Variants in ARHGAP27 observed in about 807,000 individuals in gnomAD.
ARHGAP27 encodes the protein Rho GTPase activating protein 27.
A neutral mutation model predicts 102.0 loss-of-function variants in ARHGAP27; 53 were observed. The ratio of observed to expected loss-of-function variants is 0.52; its 90% CI spans 0.42 to 0.65. The LOEUF (loss-of-function observed/expected upper bound fraction) is 0.65, where lower values mean the gene tolerates loss of function less well. ARHGAP27 is among the 30% of genes least tolerant of loss of function. ARHGAP27 has a pLI of 0.00. For missense variants in ARHGAP27, 1,117 were observed against 1,256.2 expected, an observed-to-expected ratio of 0.89 and a Z score of 1.68; for synonymous variants, 525 against 542.8, an observed-to-expected ratio of 0.97 and a Z score of 0.46.
At chr17:45,402,930 G>A (rs932980615) in intron 11 of ARHGAP27, 112 bp from the exon 12 acceptor site, 70 of 931,902 alleles carry the variant, frequency 7.5e-5, no homozygotes, top group Non-Finnish European at 1.1e-4. Context: ...AAACAACTCT[G>A]GGGAAAAGTG....
At chr17:45,396,872 G>C (rs376354313) in intron 14 of ARHGAP27, 44 bp downstream of exon 14, 1 of 1,607,428 alleles carries the variant, frequency 6.2e-7, no homozygotes, top group East Asian at 2.2e-5. Flanking sequence ...CACTCCCCAG[G>C]AGAGGCCTCC....
At position 45,430,207 on chromosome 17, in the gene ARHGAP27, G is replaced by T. The variant is rs1162867782; in HGVS notation, c.73C>A (p.Arg25Ser). The stretch of plus-strand genomic sequence containing the variant: ...TCATTCGGCCGGATGGCCACGCGGC[G>T]CCCGTCCTTGCCGGTGTACTCGAAG... ...HPFEYTGKDG[R>S]RVAIRPNERY... The change falls in exon 4 of 20, where the codon CGC becomes AGC. Residue 25 changes from arginine (R) to serine (S), a missense_variant. Around this residue, in one of 3 missense-constraint regions of ARHGAP27, gnomAD observed 610 missense variants for 716.4 expected, o/e 0.85. Transcript: ENST00000685559. The surrounding 1 kb of genome is among the most constrained non-coding windows in gnomAD (Gnocchi z 4.4). The T allele has an allele frequency of 2.6e-6, 4 of 1,556,642 alleles. No individual in the cohort carries two copies. Among genetic ancestry groups the T allele is most frequent in the Non-Finnish European group, 3.5e-6 (4 of 1,159,150 alleles).
In ARHGAP27 at chr17:45,396,302, G is replaced by A; in HGVS notation, c.2174-18C>T. 6.3e-7 allele frequency: 1 copy of A among 1,599,376 alleles called. No individual in the cohort carries two copies. The highest frequency in any genetic ancestry group is 1.1e-5 in the South Asian group (1 of 89,406). On this transcript the variant is annotated intron_variant, in intron 16 of 19. Transcript: ENST00000685559. ...GTCCAGCCCTGGGCCAGAGGGAGGCGCTGATCCCGGGTTCAGGGATGGGGA... is the reference window on the plus strand; with the variant it reads ...GTCCAGCCCTGGGCCAGAGGGAGGCACTGATCCCGGGTTCAGGGATGGGGA...
Position 45,427,132 on chromosome 17 carries a change from C to G in ARHGAP27, c.657+2491G>C, listed in dbSNP as rs1788901577. Among the ~76,000 whole-genome samples, 1 of 150,962 alleles carries G rather than the reference C, an allele frequency of 6.6e-6. No homozygotes were observed. Among genetic ancestry groups the G allele is most frequent in the African/African-American group, 2.4e-5 (1 of 40,856 alleles). On this transcript the variant is annotated intron_variant, in intron 4 of 19. Transcript: ENST00000685559. This position sits in a 1 kb window ranked among gnomAD's most constrained non-coding sequence, Gnocchi z 4.5. Reference sequence around the variant, plus strand: ...ACCTCCCTCGGCCCCCAGACCCTGCCCATCCATCTCCCAAACCTCTGTTTC... The same window carrying G: ...ACCTCCCTCGGCCCCCAGACCCTGCGCATCCATCTCCCAAACCTCTGTTTC...
At chr17:45,403,843 A>G in intron 10 of ARHGAP27, 134 bp from the exon 11 acceptor site, 1 of 980,046 alleles carries the variant, frequency 1.0e-6, no homozygotes, top group Non-Finnish European at 1.5e-6. Flanking sequence ...TGGAATCCCG[A>G]CTCTAACACC....
In ARHGAP27 at chr17:45,424,158, G is replaced by T. The variant is rs1427164625; in HGVS notation, c.657+5465C>A. Among the ~76,000 whole-genome samples, 3 of 152,214 alleles carry T rather than the reference G, an allele frequency of 2.0e-5. No homozygotes were observed. The South Asian group carries it at 6.2e-4, about 31-fold the overall frequency. ...AGCCAGGAGAGGGCAAGGAGGCAGG[G>T]TGGGCACCCACAGCAGCCTCAGCTG... On this transcript the variant is annotated intron_variant, in intron 4 of 19. Transcript: ENST00000685559.
rs376452632 is a variant in ARHGAP27, at chr17:45,403,978, A to G, written c.1547+51T>C. 4.4e-5 allele frequency: 70 copies of G among 1,591,938 alleles called. No homozygotes were observed. The African/African-American group carries it at 9.0e-4, about 20-fold the overall frequency. ...GGCATACAGGAAGTGCTCAGTGAAC[A>G]TCGTCACCAAGGCCCACCCTGCCCC... On this transcript the variant is annotated intron_variant, in intron 10 of 19. Transcript: ENST00000685559.
intron 4 of ARHGAP27, chr17:45,410,509 T>C (rs1296800338): frequency 1.8e-6 from 2 of 1,141,792 alleles, no homozygotes; most frequent in Non-Finnish European, 2.3e-6. Context: ...ATTTTTATGC[T>C]TCTAGAAACA....
At position 45,398,004 on chromosome 17, in the gene ARHGAP27, G is replaced by A. The variant is rs763585961; in HGVS notation, c.1787C>T (p.Ser596Leu). 12 of 1,610,904 alleles carry A rather than the reference G, an allele frequency of 7.4e-6. No homozygotes were observed. The highest frequency in any genetic ancestry group is 3.3e-5 in the Admixed American group (2 of 59,980). ...DGSEYLIQHDSEAIISTWHKA... is the reference protein window; with the variant it reads ...DGSEYLIQHDLEAIISTWHKA... ...ATGCCAGGTGCTGATGATGGCCTCC[G>A]AGTCGTGCTGGATCAGGTACTCAGA... Residue 596 changes from serine (S) to leucine (L), a missense_variant, in exon 13 of 20, where the codon TCG becomes TTG. By Grantham distance (145) the Ser-to-Leu change is moderately radical. Coordinates refer to ENST00000685559, the MANE Select transcript of ARHGAP27 (RefSeq NM_001282290.2).
Position 45,404,626 on chromosome 17 carries a change from G to A in ARHGAP27, c.1304C>T (p.Ser435Phe). ...CTGGGGCAGCTCCCATCGAACAGAG[G>A]AGTCCTCTGGATTGTAGAAGTATGG... ...GKPYFYNPED[S>F]SVRWELPQVP... is the part of the protein sequence containing the mutation. The change falls in exon 7 of 20, where the codon TCC becomes TTC. Residue 435 changes from serine to phenylalanine, a missense_variant. Ser to Phe is a radical substitution (Grantham distance 155). Transcript: ENST00000685559. 2 of 1,613,870 alleles carry A rather than the reference G, an allele frequency of 1.2e-6. No individual in the cohort carries two copies. The highest frequency in any genetic ancestry group is 1.3e-5 in the African/African-American group (1 of 75,006).
At position 45,427,641 on chromosome 17, in the gene ARHGAP27, G is replaced by C. The variant is rs370325446; in HGVS notation, c.657+1982C>G. On this transcript the variant is annotated intron_variant, in intron 4 of 19. Transcript: ENST00000685559. This position sits in a 1 kb window ranked among gnomAD's most constrained non-coding sequence, Gnocchi z 4.5. ...CCAGGGAGACCCACAGCTGCCTCTT[G>C]AATAAAGCTCTGTGGCAGGGAACGT... Among the ~76,000 whole-genome samples, 5 of 152,202 alleles carry C rather than the reference G, an allele frequency of 3.3e-5. No individual in the cohort carries two copies. Among genetic ancestry groups the C allele is most frequent in the African/African-American group, 1.2e-4 (5 of 41,450 alleles).
At chr17:45,400,958 C>T (rs2046372208) in intron 12 of ARHGAP27, among the ~76,000 whole-genome samples, 1 of 144,434 alleles carries the variant, frequency 6.9e-6, no homozygotes, top group South Asian at 2.2e-4. Flanking sequence ...ATAGTGATGT[C>T]TCTCCTCAAT....
intron 4 of ARHGAP27, chr17:45,410,561 G>A (rs1273820890): frequency 5.0e-6 from 3 of 598,060 alleles, no homozygotes; most frequent in East Asian, 4.1e-5. Context: ...CCAGTGAGCC[G>A]CATCCGAGGC....
chr17:45,427,492 G>A lies in ARHGAP27; in HGVS notation c.657+2131C>T, dbSNP rs2049736009. 6.6e-6 allele frequency among the ~76,000 whole-genome samples: 1 copy of A among 152,256 alleles called. No individual in the cohort carries two copies. The highest frequency in any genetic ancestry group is 6.5e-5 in the Admixed American group (1 of 15,290). Reference sequence around the variant, plus strand: ...ATTCAGCTAGTTGATGCCTAATGAAGGAGTGAATGGGCCTGGAGGATCATG... The same window carrying A: ...ATTCAGCTAGTTGATGCCTAATGAAAGAGTGAATGGGCCTGGAGGATCATG... On this transcript the variant is annotated intron_variant, in intron 4 of 19. Transcript: ENST00000685559. This position sits in a 1 kb window ranked among gnomAD's most constrained non-coding sequence, Gnocchi z 4.5.
intron 5 of ARHGAP27, 32 bp downstream of exon 5, chr17:45,405,644 G>A (rs756404059): frequency 1.3e-6 from 2 of 1,552,218 alleles, no homozygotes. Context: ...GCGCTCAGAG[G>A]TAGAACCGCC....
rs1479797591 is a variant in ARHGAP27 at position 45,395,205 on chromosome 17, A to G, written c.*251T>C. ...GTAGGCGCGATGCAACAGAGAAAAA[A>G]CCGAATTAACCCCCAAACAGGACGT... On this transcript the variant is annotated 3_prime_UTR_variant, in exon 20 of 20. Transcript: ENST00000685559. 1.8e-6 allele frequency: 1 copy of G among 565,982 alleles called. No individual in the cohort carries two copies. The highest frequency in any genetic ancestry group is 3.0e-5 in the East Asian group (1 of 33,312). The allele number at this position is 565,982 out of a possible 1,614,324, so 35.1% of individuals were successfully genotyped here. A position where few individuals can be genotyped will look rare whatever the true frequency, so the allele number is the denominator to read the frequency against.
intron 4 of ARHGAP27, among the ~76,000 whole-genome samples, chr17:45,417,138 A>T (rs2048548843): frequency 6.7e-6 from 1 of 150,158 alleles, no homozygotes; most frequent in African/African-American, 2.5e-5. Context: ...CCTAGGCAAC[A>T]AAAGCTAAAC....
At chr17:45,411,795 TCACA>T (rs3068161) in intron 4 of ARHGAP27, among the ~76,000 whole-genome samples, 23 of 149,156 alleles carry the variant, frequency 1.5e-4, no homozygotes, top group East Asian at 1.4e-3. Context: ...GGATGAGGAC[TCACA>T]CACACACACA....
chr17:45,405,851 C>T lies in ARHGAP27; in HGVS notation c.890G>A (p.Ser297Asn), dbSNP rs956743867. The T allele has an allele frequency of 1.2e-5, 18 of 1,536,274 alleles. No individual in the cohort carries two copies. The highest frequency in any genetic ancestry group is 1.5e-5 in the Non-Finnish European group (17 of 1,146,934). The change falls in exon 5 of 20, where the codon AGC (serine) becomes AAC (asparagine). Residue 297 changes from serine (S) to asparagine (N), a missense_variant. Around this residue, in one of 3 missense-constraint regions of ARHGAP27, gnomAD observed 610 missense variants for 716.4 expected, o/e 0.85. Transcript: ENST00000685559. The stretch of plus-strand genomic sequence containing the variant: ...CCACTCGGTCTCAAGGCTCACGTGG[C>T]TGTCCACCGAGGCAGGGGAGGTGGC... ...SPATSPASVD[S>N]HVSLETEWGQ...
Sources: gnomAD v4.1 joint callset for allele counts (sites outside exome capture counted in the v4.1 genomes callset) on GRCh38, gnomAD v4.1.1 for gene constraint, gnomAD v4.1.1 regional missense constraint, Gnocchi (gnomAD v3.1) non-coding constraint, MANE v1.5 for transcripts, NCBI Gene and HGNC (gene_info 2026-07-23, HGNC 2026-07-21) for gene names.